KANK4: variants seen among roughly 807,000 people sequenced by gnomAD.
KANK4 encodes the protein KN motif and ankyrin repeat domains 4.
KANK4 carries 50 observed loss-of-function variants against 80.8 expected under a neutral mutation model. That is an observed-to-expected ratio of 0.62 (90% CI 0.49 to 0.78). The LOEUF is 0.78. Ranked by LOEUF, KANK4 falls within the 30% of genes least tolerant of loss-of-function variation. KANK4 has a pLI of 0.00. For missense variants in KANK4, 1,196 were observed against 1,240.1 expected, an observed-to-expected ratio of 0.96 and a Z score of 0.53; for synonymous variants, 465 against 506.9, an observed-to-expected ratio of 0.92 and a Z score of 1.11.
chr1:62,270,426 G>A (rs960880568), intron 4 of KANK4, among the ~76,000 whole-genome samples: 1 of 151,094 alleles, frequency 6.6e-6, no homozygotes, highest in African/African-American at 2.4e-5. Flanking sequence ...CTGTCACCCA[G>A]GATGGAATGC....
At chr1:62,290,955 T>G (rs1245006119) in intron 1 of KANK4, among the ~76,000 whole-genome samples, 1 of 152,104 alleles carries the variant, frequency 6.6e-6, no homozygotes, top group Non-Finnish European at 1.5e-5. Context: ...TTTCACCGTG[T>G]TAGCCAGAAT....
At chr1:62,316,858 G>A (rs1644545803) in intron 1 of KANK4, among the ~76,000 whole-genome samples, 1 of 152,190 alleles carries the variant, frequency 6.6e-6, no homozygotes, top group East Asian at 1.9e-4. Flanking sequence ...TGTAGCTGAT[G>A]TTTGCTGTGA....
chr1:62,239,213 T>C (rs1671282252), intron 9 of KANK4, among the ~76,000 whole-genome samples: 1 of 152,196 alleles, frequency 6.6e-6, no homozygotes, highest in Non-Finnish European at 1.5e-5. Context: ...GTCCTGCACC[T>C]GTCCTGTTGT....
rs1672453722 is a variant in KANK4, at chr1:62,281,626, T to C, written c.-62A>G. 1 of 1,595,178 alleles carries C rather than the reference T, an allele frequency of 6.3e-7. No individual in the cohort carries two copies. The highest frequency in any genetic ancestry group is 1.1e-5 in the South Asian group (1 of 90,654). On this transcript the variant is annotated 5_prime_UTR_variant, in exon 2 of 10. Coordinates refer to ENST00000371153, the MANE Select transcript of KANK4 (RefSeq NM_181712.5). ...TCATCCAATGAGTCTGTAAAACTTG[T>C]TGAAGGTTCTGAAAGAAAGGAGGAT...
At chr1:62,304,184 C>T (rs1439114648) in intron 1 of KANK4, among the ~76,000 whole-genome samples, 2 of 152,022 alleles carry the variant, frequency 1.3e-5, no homozygotes, top group East Asian at 3.9e-4. Context: ...CCTTCAGATT[C>T]TATTTCTATT....
At chr1:62,264,503 C>G (rs185536342) in intron 6 of KANK4, among the ~76,000 whole-genome samples, 1 of 152,286 alleles carries the variant, frequency 6.6e-6, no homozygotes, top group Admixed American at 6.5e-5. Flanking sequence ...CCTTACTTGT[C>G]CTGTTATAAA....
chr1:62,266,054 G>C (rs1476809049), intron 6 of KANK4, among the ~76,000 whole-genome samples: 2 of 152,158 alleles, frequency 1.3e-5, no homozygotes, highest in Non-Finnish European at 1.5e-5. Context: ...CATTCTACAT[G>C]CTTTTCACAC....
chr1:62,254,726 T>A (rs1570973561), intron 7 of KANK4, among the ~76,000 whole-genome samples: 2 of 149,684 alleles, frequency 1.3e-5, no homozygotes, highest in South Asian at 2.1e-4. Flanking sequence ...GCTGATTTTT[T>A]ATTTTTTTTT....
chr1:62,274,351 AG>A lies in KANK4; in HGVS notation c.752del (p.Pro251LeufsTer9). The A allele has an allele frequency of 6.2e-7, 1 of 1,614,202 alleles. No homozygotes were observed. Among genetic ancestry groups the A allele is most frequent in the African/African-American group, 1.3e-5 (1 of 75,050 alleles). On this transcript the variant is annotated frameshift_variant, in exon 3 of 10. Transcript: ENST00000371153. LOFTEE classifies it high-confidence loss of function. Reference sequence around the variant, plus strand: ...CTACAAGCACATTCTGGAATGAGAAAGGAGGGCCTGGGAGAGGGAGGTGATT... The same window carrying A: ...CTACAAGCACATTCTGGAATGAGAAAGAGGGCCTGGGAGAGGGAGGTGATT... The part of the protein sequence containing the change: ...VPNHLPLPGP[P>X]FSFQNVLVVL...
chr1:62,310,165 C>T (rs1008478236), intron 1 of KANK4, among the ~76,000 whole-genome samples: 1 of 152,192 alleles, frequency 6.6e-6, no homozygotes, highest in Non-Finnish European at 1.5e-5. Context: ...GGCAGGGCAG[C>T]AAACTGGGGC....
At chr1:62,254,813 C>T (rs1469025209) in intron 7 of KANK4, among the ~76,000 whole-genome samples, 2 of 150,116 alleles carry the variant, frequency 1.3e-5, no homozygotes. Context: ...AGCAATCTGC[C>T]CACCTCGGCC....
intron 7 of KANK4, among the ~76,000 whole-genome samples, chr1:62,254,456 G>GCCAATACA (rs60086023): frequency 0.18 from 27,548 of 151,880 alleles, 3,270 homozygotes; most frequent in East Asian, 0.66. Context: ...TGGCCAGTCT[G>GCCAATACA]GTCTCGAACT....
At position 62,268,492 on chromosome 1, in the gene KANK4, A is replaced by T. The variant is rs1570993815; in HGVS notation, c.2026T>A (p.Ser676Thr). 1.9e-5 allele frequency: 30 copies of T among 1,613,440 alleles called. No individual in the cohort carries two copies. The highest frequency in any genetic ancestry group is 2.5e-5 in the Non-Finnish European group (29 of 1,179,904). The change falls in exon 5 of 10, where the codon TCA becomes ACA. Residue 676 changes from serine (S) to threonine (T), a missense_variant. This residue lies in a region of KANK4 where 1,154 missense variants were observed against 1,179.6 expected (regional missense o/e 0.98). Transcript: ENST00000371153. Reference protein sequence around the residue: ...VGVNGGYETTSSEETSGEDST... With the variant: ...VGVNGGYETTTSEETSGEDST... ...TCCTCACCGCTGGTCTCCTCACTTG[A>T]GGTGGTCTCATACCTGGGGTAGAAA... is the stretch of plus-strand genomic sequence containing the variant.
chr1:62,317,404 A>G (rs1025716266), intron 1 of KANK4, among the ~76,000 whole-genome samples: 1 of 152,176 alleles, frequency 6.6e-6, no homozygotes, highest in African/African-American at 2.4e-5. Context: ...TGGGGCAGTG[A>G]GTCCAGCAAG....
intron 9 of KANK4, among the ~76,000 whole-genome samples, chr1:62,245,518 T>G (rs1671444762): frequency 6.6e-6 from 1 of 152,180 alleles, no homozygotes; most frequent in African/African-American, 2.4e-5. Flanking sequence ...AGGTTTTTGT[T>G]CCCTTTGAAT....
chr1:62,274,789 C>T lies in KANK4; in HGVS notation c.315G>A (p.Glu105=), dbSNP rs768356059. 2 of 1,614,122 alleles carry T rather than the reference C, an allele frequency of 1.2e-6. No homozygotes were observed. Among genetic ancestry groups the T allele is most frequent in the Non-Finnish European group, 1.7e-6 (2 of 1,180,006 alleles). ...TACCAAGCGGTGGTGACTGGTTTTG[C>T]TCCTGTGTCCCAAGTGATGCCTCCC... ...VPREASLGTQ[E]QNQSPPLGNA... The change falls in exon 3 of 10, where the codon GAG becomes GAA. Residue 105 remains glutamate, a synonymous_variant. Coordinates refer to ENST00000371153, the MANE Select transcript of KANK4 (RefSeq NM_181712.5).
At chr1:62,263,986 G>T (rs1671958002) in intron 6 of KANK4, among the ~76,000 whole-genome samples, 1 of 152,218 alleles carries the variant, frequency 6.6e-6, no homozygotes, top group Non-Finnish European at 1.5e-5. Flanking sequence ...TCTTGTGTGT[G>T]ACATGAGCTC....
At chr1:62,293,239 C>T (rs918870800) in intron 1 of KANK4, among the ~76,000 whole-genome samples, 3 of 138,048 alleles carry the variant, frequency 2.2e-5, no homozygotes, top group Non-Finnish European at 4.6e-5. Context: ...AGGCATGCAC[C>T]ACCACACCCC....
intron 9 of KANK4, among the ~76,000 whole-genome samples, chr1:62,243,879 C>T (rs972160840): frequency 6.6e-6 from 1 of 152,200 alleles, no homozygotes; most frequent in African/African-American, 2.4e-5. Flanking sequence ...ATTGGTTCCC[C>T]TAATTCAAGA....
Sources: gnomAD v4.1 joint callset for allele counts (sites outside exome capture counted in the v4.1 genomes callset) on GRCh38, gnomAD v4.1.1 for gene constraint, gnomAD v4.1.1 regional missense constraint, MANE v1.5 for transcripts, NCBI Gene and HGNC (gene_info 2026-07-23, HGNC 2026-07-21) for gene names.